PTGES3: variants seen among roughly 807,000 people sequenced by gnomAD.
The protein encoded by PTGES3 is Hsp90 co-chaperone.
A neutral mutation model predicts 29.9 loss-of-function variants in PTGES3; 5 were observed. The observed-to-expected ratio is 0.17, with a 90% CI of 0.09 to 0.35. The LOEUF is 0.35. Among genes scored for constraint, PTGES3 ranks in the 10% least tolerant of loss-of-function variants. The pLI, the probability that PTGES3 is intolerant of heterozygous loss-of-function variation, is 1.00. For synonymous variants in PTGES3, 49 were observed against 57.8 expected (o/e 0.85, Z 0.69); for missense variants, 128 against 190.0 (o/e 0.67, Z 1.92).
At chr12:56,676,005 T>A (rs1952222011) in intron 1 of PTGES3, among the ~76,000 whole-genome samples, 1 of 151,956 alleles carries the variant, frequency 6.6e-6, no homozygotes, top group Admixed American at 6.6e-5. Flanking sequence ...GGCTGATGGA[T>A]CACCTGGGGC....
intron 1 of PTGES3, among the ~76,000 whole-genome samples, chr12:56,685,393 T>C (rs1314143892): frequency 8.5e-6 from 1 of 117,482 alleles, no homozygotes; most frequent in Non-Finnish European, 1.7e-5. Context: ...TAGCATTTTT[T>C]CTTTTCTTTT....
At chr12:56,677,398 G>A (rs912709975) in intron 1 of PTGES3, among the ~76,000 whole-genome samples, 42 of 152,114 alleles carry the variant, frequency 2.8e-4, no homozygotes, top group African/African-American at 1.0e-3. Flanking sequence ...CTTGGTGTCT[G>A]AGGAGTTTTG....
intron 1 of PTGES3, among the ~76,000 whole-genome samples, chr12:56,682,117 G>C (rs1952569577): frequency 1.3e-5 from 2 of 152,076 alleles, no homozygotes; most frequent in Admixed American, 6.6e-5. Flanking sequence ...AAAGTGCTGG[G>C]ATTACATGTG....
At chr12:56,682,721 G>GAAAAAAAAAAAAAA (rs754040277) in intron 1 of PTGES3, among the ~76,000 whole-genome samples, 3 of 114,288 alleles carry the variant, frequency 2.6e-5, no homozygotes, top group East Asian at 2.6e-4. Context: ...CCATTTAAAA[G>GAAAAAAAAAAAAAA]AAAAAAAAAA....
At chr12:56,686,646 G>A (rs1343700448) in intron 1 of PTGES3, among the ~76,000 whole-genome samples, 1 of 151,992 alleles carries the variant, frequency 6.6e-6, no homozygotes. Context: ...CAGAGTGCTG[G>A]GATCACAGTT....
At chr12:56,686,805 T>C (rs1022940823) in intron 1 of PTGES3, 2 of 398,190 alleles carry the variant, frequency 5.0e-6, no homozygotes, top group African/African-American at 4.1e-5. Flanking sequence ...ACGCATCCCT[T>C]TAGATTTCTA....
chr12:56,683,473 C>CAAAAAAAAAA (rs71081388), intron 1 of PTGES3, among the ~76,000 whole-genome samples: 4,028 of 29,686 alleles, frequency 0.14, 1,178 homozygotes, highest in East Asian at 0.22. Context: ...AACTCTGTCT[C>CAAAAAAAAAA]AAAAAAAAAA....
intron 1 of PTGES3, among the ~76,000 whole-genome samples, chr12:56,683,473 CAAA>C (rs71081388): frequency 0.078 from 2,323 of 29,636 alleles, 84 homozygotes; most frequent in African/African-American, 0.22. Flanking sequence ...AACTCTGTCT[CAAA>C]AAAAAAAAAA....
chr12:56,676,202 G>C (rs1240060053), intron 1 of PTGES3, among the ~76,000 whole-genome samples: 1 of 143,172 alleles, frequency 7.0e-6, no homozygotes, highest in Non-Finnish European at 1.5e-5. Context: ...CTACAGCCTG[G>C]GCAACAGAGA....
intron 6 of PTGES3, 71 bp downstream of exon 6, chr12:56,666,132 CA>C (rs1323149461): frequency 6.7e-7 from 1 of 1,483,410 alleles, no homozygotes; most frequent in African/African-American, 1.5e-5. Flanking sequence ...TATATAAAAC[CA>C]TTTGTAAATA....
chr12:56,687,501 A>G, intron 1 of PTGES3: 2 of 996,500 alleles, frequency 2.0e-6, no homozygotes, highest in Non-Finnish European at 2.4e-6. Context: ...CAGTACCTGC[A>G]GCTCACGGCG....
intron 1 of PTGES3, chr12:56,686,894 C>T: frequency 2.5e-6 from 1 of 397,764 alleles, no homozygotes; most frequent in Non-Finnish European, 4.4e-6. Flanking sequence ...AAGTCACTCC[C>T]CTCTTCTCTC....
chr12:56,666,302 G>A, intron 5 of PTGES3, 36 bp from the exon 6 acceptor site: 10 of 1,595,630 alleles, frequency 6.3e-6, no homozygotes, highest in Non-Finnish European at 8.6e-6. Flanking sequence ...TAAAAATGAT[G>A]TTAAGTTAGG....
intron 1 of PTGES3, among the ~76,000 whole-genome samples, chr12:56,676,218 T>G (rs1952236936): frequency 8.4e-6 from 1 of 118,670 alleles, no homozygotes; most frequent in African/African-American, 3.6e-5. Context: ...AGAGAGAGGC[T>G]GTGTCTCCCC....
chr12:56,684,415 C>A (rs1232780524), intron 1 of PTGES3, among the ~76,000 whole-genome samples: 2 of 152,186 alleles, frequency 1.3e-5, no homozygotes, highest in East Asian at 3.8e-4. Context: ...AGGCCACCCA[C>A]CATCAGATAC....
rs369481259 is a variant in PTGES3, at chr12:56,685,166, G to A, written c.2+2832C>T. Among the ~76,000 whole-genome samples the A allele has an allele frequency of 4.6e-5, 7 of 152,204 alleles. No individual in the cohort carries two copies. In the East Asian group the frequency reaches 1.4e-3, roughly 29 times the overall value. On this transcript the variant is annotated intron_variant, in intron 1 of 7. Coordinates refer to ENST00000262033, the MANE Select transcript of PTGES3 (RefSeq NM_006601.7). The stretch of plus-strand genomic sequence containing the variant: ...AAACCCTTATCAGCCAGATTCTTAA[G>A]ACTGGATGACGACCCATTAAAGGCT...
chr12:56,669,471 C>T (rs200977033), intron 5 of PTGES3, among the ~76,000 whole-genome samples: 12 of 152,246 alleles, frequency 7.9e-5, no homozygotes, highest in African/African-American at 2.9e-4. Flanking sequence ...TTAGTAGAGA[C>T]GGGGTTTCAC....
In PTGES3 at chr12:56,681,520, A is replaced by AGGCTG. The variant is rs541606064; in HGVS notation, c.2+6477_2+6478insCAGCC. On this transcript the variant is annotated intron_variant, in intron 1 of 7. Transcript: ENST00000262033. ...GCCACTGCACTCCAGCCTGGGCAAC[A>AGGCTG]GAGTGAGACTCCATCTCAAAAAAAA... is the stretch of plus-strand genomic sequence containing the variant. 5.0e-4 allele frequency among the ~76,000 whole-genome samples: 58 copies of AGGCTG among 115,846 alleles called. 2 individuals are homozygous for AGGCTG. The South Asian group carries it at 0.016, about 31-fold the overall frequency. 76.0% of individuals were successfully genotyped at this position (115,846 alleles called of 152,430 possible).
intron 1 of PTGES3, among the ~76,000 whole-genome samples, chr12:56,673,926 C>T (rs138776519): frequency 2.5e-4 from 38 of 152,158 alleles, no homozygotes; most frequent in South Asian, 1.9e-3. Flanking sequence ...TGAGATCATG[C>T]CACTGCAATC....
Sources: gnomAD v4.1 joint callset for allele counts (sites outside exome capture counted in the v4.1 genomes callset) on GRCh38, gnomAD v4.1.1 for gene constraint, MANE v1.5 for transcripts, NCBI Gene and HGNC (gene_info 2026-07-23, HGNC 2026-07-21) for gene names.